The following LAYN variants were observed in gnomAD, a reference collection of about 807,000 sequenced individuals.
LAYN encodes the protein layilin.
A neutral mutation model predicts 43.6 loss-of-function variants in LAYN; 38 were observed. That is an observed-to-expected ratio of 0.87 (90% CI 0.67 to 1.14). The LOEUF (loss-of-function observed/expected upper bound fraction) is 1.14. Ranked by LOEUF, LAYN falls within the 50% of genes most tolerant of loss-of-function variation. LAYN has a pLI of 0.00. For synonymous variants in LAYN, 168 were observed against 172.9 expected (o/e 0.97, Z 0.22); for missense variants, 479 against 463.8 (o/e 1.03, Z -0.30).
rs997105015 is a variant in LAYN at position 111,561,659 on chromosome 11, A to G, written c.*1201A>G. 6.6e-6 allele frequency: 1 copy of G among 152,110 alleles called. No individual in the cohort carries two copies. The highest frequency in any genetic ancestry group is 1.5e-5 in the Non-Finnish European group (1 of 68,018). The allele number at this position is 152,110 out of a possible 1,614,324, so 9.4% of individuals were successfully genotyped here. A position where few individuals can be genotyped will look rare whatever the true frequency, so the allele number is the denominator to read the frequency against. ...GCAATTTCCCTCAATCAGCTTCATA[A>G]TCTCATATTTTAACCTTTCCTCATA... On this transcript the variant is annotated 3_prime_UTR_variant, in exon 7 of 7. Transcript: ENST00000375614.
chr11:111,553,983 T>A (rs533153123), intron 3 of LAYN, among the ~76,000 whole-genome samples: 1 of 152,206 alleles, frequency 6.6e-6, no homozygotes, highest in Non-Finnish European at 1.5e-5. Flanking sequence ...CAACCTGATA[T>A]TCTCAAGACA....
intron 1 of LAYN, 84 bp downstream of exon 1, chr11:111,541,012 A>T (rs1012351783): frequency 1.4e-5 from 18 of 1,297,640 alleles, no homozygotes; most frequent in Non-Finnish European, 1.8e-5. Context: ...CTGGGTCGCC[A>T]CGTATGGGAC....
At chr11:111,557,906 C>A (rs1204717458) in intron 6 of LAYN, among the ~76,000 whole-genome samples, 1 of 152,204 alleles carries the variant, frequency 6.6e-6, no homozygotes. Flanking sequence ...TTGCATTATT[C>A]ACCTCCCGTG....
At chr11:111,554,645 C>T (rs1273685131) in intron 4 of LAYN, 52 bp downstream of exon 4, 24 of 1,460,876 alleles carry the variant, frequency 1.6e-5, no homozygotes, top group East Asian at 2.3e-5. Context: ...CATAGCCCCT[C>T]TTCACAGGTT....
rs756120686 is a variant in LAYN, at chr11:111,554,574, T to C, written c.555T>C (p.Val185=). ...ICKYSDEKPA[V]PSREAEGEET... The stretch of plus-strand genomic sequence containing the variant: ...TTTCTACTACAGAGAAACCAGCAGT[T>C]CCTTCTAGAGAAGCTGAAGGTAAGC... The change falls in exon 4 of 7, where the codon GTT becomes GTC. Residue 185 remains valine (V), a synonymous_variant. Transcript: ENST00000375614. 1.2e-6 allele frequency: 2 copies of C among 1,612,914 alleles called. No homozygotes were observed. The highest frequency in any genetic ancestry group is 2.7e-5 in the African/African-American group (2 of 74,922).
chr11:111,548,683 G>A (rs1867687839), intron 2 of LAYN, among the ~76,000 whole-genome samples: 1 of 152,178 alleles, frequency 6.6e-6, no homozygotes, highest in Non-Finnish European at 1.5e-5. Context: ...GTCTCTTGCT[G>A]TCTCTTTCCT....
intron 6 of LAYN, among the ~76,000 whole-genome samples, chr11:111,558,777 T>TTA (rs1555018585): frequency 2.6e-3 from 371 of 142,576 alleles, no homozygotes; most frequent in African/African-American, 8.3e-3. Flanking sequence ...TTATTTTATT[T>TTA]AAAAAAATAT....
intron 6 of LAYN, among the ~76,000 whole-genome samples, chr11:111,558,449 A>G (rs552385897): frequency 6.6e-6 from 1 of 152,326 alleles, no homozygotes; most frequent in South Asian, 2.1e-4. Context: ...GGCAGTTAAT[A>G]CTTGCAGAAT....
Position 111,560,446 on chromosome 11 carries a change from A to G in LAYN, c.1113A>G (p.Ile371Met). 1 of 1,613,292 alleles carries G rather than the reference A, an allele frequency of 6.2e-7. No individual in the cohort carries two copies. Among genetic ancestry groups the G allele is most frequent in the Non-Finnish European group, 8.5e-7 (1 of 1,179,482 alleles). The change falls in exon 7 of 7, where the codon ATA (isoleucine) becomes ATG (methionine). Residue 371 changes from isoleucine (I) to methionine (M), a missense_variant. Physicochemically the swap from Ile to Met is conservative, Grantham distance 10 (BLOSUM62 1). Transcript: ENST00000375614. ...SKESGWVENE[I>M]YGY ...AGTCTGGATGGGTGGAAAATGAAATATATGGTTATTAGGACATATAAAAAA... is the reference window on the plus strand; with the variant it reads ...AGTCTGGATGGGTGGAAAATGAAATGTATGGTTATTAGGACATATAAAAAA...
intron 5 of LAYN, among the ~76,000 whole-genome samples, chr11:111,556,258 C>T (rs1251429763): frequency 2.0e-5 from 3 of 152,158 alleles, no homozygotes; most frequent in African/African-American, 7.2e-5. Context: ...TCCTTGTCAT[C>T]CCCCACCCCA....
In LAYN at chr11:111,560,169, C is replaced by T. The variant is rs199630085; in HGVS notation, c.836C>T (p.Pro279Leu). 7.4e-6 allele frequency: 12 copies of T among 1,614,056 alleles called. No individual in the cohort carries two copies. The highest frequency in any genetic ancestry group is 4.0e-5 in the African/African-American group (3 of 74,924). Reference sequence around the variant, plus strand: ...CCCTCTCCTCACCAGGGAAACAGCCCGGACCTAGAGGTCTACAATGTCATA... The same window carrying T: ...CCCTCTCCTCACCAGGGAAACAGCCTGGACCTAGAGGTCTACAATGTCATA... ...IWPSPHQGNS[P>L]DLEVYNVIRK... The change falls in exon 7 of 7, where the codon CCG becomes CTG. Residue 279 changes from proline to leucine, a missense_variant. Coordinates refer to ENST00000375614, the MANE Select transcript of LAYN (RefSeq NM_178834.5).
At chr11:111,554,685 T>C in intron 4 of LAYN, 92 bp downstream of exon 4, 1 of 1,140,386 alleles carries the variant, frequency 8.8e-7, no homozygotes, top group Non-Finnish European at 1.3e-6. Context: ...GACTGGATTA[T>C]TCAACAGAAA....
chr11:111,548,336 A>G (rs1867682421), intron 2 of LAYN, among the ~76,000 whole-genome samples: 1 of 152,186 alleles, frequency 6.6e-6, no homozygotes, highest in Non-Finnish European at 1.5e-5. Flanking sequence ...TGGCCTCTCT[A>G]TCAGTGAGTT....
At chr11:111,540,615 G>T, upstream of LAYN, 1 of 502,962 alleles carries the variant, frequency 2.0e-6, no homozygotes, top group Non-Finnish European at 3.5e-6. Context: ...CTCGCTGGAG[G>T]AGGCTGTCGG....
intron 6 of LAYN, 131 bp from the exon 7 acceptor site, chr11:111,559,964 G>A: frequency 2.8e-6 from 3 of 1,063,536 alleles, no homozygotes; most frequent in Non-Finnish European, 4.1e-6. Flanking sequence ...GCCCTGGCCT[G>A]TAAGTTACAT....
At chr11:111,543,660 A>G (rs1036500444) in intron 1 of LAYN, among the ~76,000 whole-genome samples, 13 of 152,330 alleles carry the variant, frequency 8.5e-5, no homozygotes, top group Middle Eastern at 3.4e-3. Context: ...GTCAAAATAA[A>G]ACATTTGCTT....
intron 3 of LAYN, among the ~76,000 whole-genome samples, chr11:111,554,057 T>C (rs1867790178): frequency 6.6e-6 from 1 of 152,182 alleles, no homozygotes; most frequent in Non-Finnish European, 1.5e-5. Flanking sequence ...TGCTGGCCAG[T>C]GGTCTACTGA....
At chr11:111,557,082 C>G (rs982691479) in intron 5 of LAYN, among the ~76,000 whole-genome samples, 1 of 152,054 alleles carries the variant, frequency 6.6e-6, no homozygotes, top group Non-Finnish European at 1.5e-5. Flanking sequence ...ATCGTGGGAA[C>G]TCCGTGACTG....
intron 5 of LAYN, among the ~76,000 whole-genome samples, chr11:111,556,771 A>T (rs1450838873): frequency 2.0e-5 from 3 of 152,176 alleles, no homozygotes; most frequent in African/African-American, 7.2e-5. Flanking sequence ...CAGCCTCTGG[A>T]TAGTCAGGAA....
Sources: gnomAD v4.1 joint callset for allele counts (sites outside exome capture counted in the v4.1 genomes callset) on GRCh38, gnomAD v4.1.1 for gene constraint, MANE v1.5 for transcripts, NCBI Gene and HGNC (gene_info 2026-07-23, HGNC 2026-07-21) for gene names.